Variants in RIMS3 observed in about 807,000 individuals in gnomAD.
RIMS3 encodes regulating synaptic membrane exocytosis protein 3.
A neutral mutation model predicts 29.2 loss-of-function variants in RIMS3; 15 were observed. That is an observed-to-expected ratio of 0.51 (90% CI 0.34 to 0.79). The LOEUF (loss-of-function observed/expected upper bound fraction) is 0.79. RIMS3 is among the 30% of genes least tolerant of loss of function. The pLI is 0.01. For missense variants in RIMS3, 342 were observed against 421.4 expected (o/e 0.81, Z 1.65); for synonymous variants, 161 against 170.1 (o/e 0.95, Z 0.41).
At chr1:40,659,713 T>C (rs2148361052) in intron 1 of RIMS3, among the ~76,000 whole-genome samples, 1 of 152,330 alleles carries the variant, frequency 6.6e-6, no homozygotes, top group South Asian at 2.1e-4. Flanking sequence ...TAGGCTTCCC[T>C]GCGGAAATGA....
intron 1 of RIMS3, among the ~76,000 whole-genome samples, chr1:40,656,981 C>T (rs990571238): frequency 5.9e-5 from 9 of 152,202 alleles, no homozygotes; most frequent in Non-Finnish European, 1.3e-4. Flanking sequence ...TGCAGGAGTT[C>T]GGGCACAGTG....
chr1:40,628,962 A>T lies in RIMS3; in HGVS notation c.575-13T>A, dbSNP rs1646471259. 6.2e-7 allele frequency: 1 copy of T among 1,612,640 alleles called. No homozygotes were observed. Among genetic ancestry groups the T allele is most frequent in the Non-Finnish European group, 8.5e-7 (1 of 1,180,006 alleles). On this transcript the variant is annotated splice_polypyrimidine_tract_variant and intron_variant, in intron 6 of 7. Transcript: ENST00000372684. ...TTGATATAGGTGGCTAAGGGAGGAG[A>T]GAATGTATGACAGGGAGGGGTCCAG...
chr1:40,679,116 G>T, the RIMS3 span, among the ~76,000 whole-genome samples: 28 of 152,166 alleles, frequency 1.8e-4, no homozygotes, highest in African/African-American at 6.3e-4. Flanking sequence ...GAGGTCACTG[G>T]GGCCTGCAGC....
chr1:40,674,602 C>T, the RIMS3 span, among the ~76,000 whole-genome samples: 6 of 152,160 alleles, frequency 3.9e-5, no homozygotes, highest in Admixed American at 3.9e-4. Flanking sequence ...GTCATGGGGA[C>T]TCTGCCATCA....
intron 1 of RIMS3, 86 bp from the exon 2 acceptor site, chr1:40,647,928 T>TA (rs763616746): frequency 1.3e-5 from 2 of 152,230 alleles, no homozygotes; most frequent in South Asian, 2.1e-4. Flanking sequence ...CATAAAAAGA[T>TA]AGACTTTGAA....
chr1:40,635,802 A>T lies in RIMS3; in HGVS notation c.359+114T>A. ...ATGAAGGAAGGCAGAGACACAGAGG[A>T]CCCAGACATTTTAGCTGGAAACAAA... is the stretch of plus-strand genomic sequence containing the variant. On this transcript the variant is annotated intron_variant, in intron 4 of 7. Transcript: ENST00000372684. The surrounding 1 kb of genome is among the most constrained non-coding windows in gnomAD (Gnocchi z 4.1). The T allele has an allele frequency of 7.3e-7, 1 of 1,374,012 alleles. No individual in the cohort carries two copies. The highest frequency in any genetic ancestry group is 1.0e-6 in the Non-Finnish European group (1 of 994,006). The allele number at this position is 1,374,012 out of a possible 1,614,324, so 85.1% of individuals were successfully genotyped here. A position where few individuals can be genotyped will look rare whatever the true frequency, so the allele number is the denominator to read the frequency against.
At chr1:40,647,995 G>A (rs182158952) in intron 1 of RIMS3, among the ~76,000 whole-genome samples, 153 bp from the exon 2 acceptor site, 1 of 152,252 alleles carries the variant, frequency 6.6e-6, no homozygotes, top group African/African-American at 2.4e-5. Flanking sequence ...ATTTCCTCTT[G>A]TAAAATTTTT....
intron 1 of RIMS3, among the ~76,000 whole-genome samples, chr1:40,650,835 C>T (rs1646627241): frequency 7.6e-6 from 1 of 131,056 alleles, no homozygotes; most frequent in Non-Finnish European, 1.5e-5. Flanking sequence ...CACTGCACTC[C>T]AGCCTGGATG....
chr1:40,664,605 A>G (rs868861216), intron 1 of RIMS3, among the ~76,000 whole-genome samples: 76 of 152,244 alleles, frequency 5.0e-4, no homozygotes, highest in African/African-American at 1.8e-3. Context: ...AGTGCCAGCC[A>G]ATGCCCCCTG....
At chr1:40,642,628 AAT>A (rs1646566007) in intron 2 of RIMS3, among the ~76,000 whole-genome samples, 1 of 152,144 alleles carries the variant, frequency 6.6e-6, no homozygotes, top group Non-Finnish European at 1.5e-5. Flanking sequence ...TCATACTGCA[AAT>A]ATCATTTTAT....
rs563449224 is a variant in RIMS3, at chr1:40,638,827, T to A, written c.218-2770A>T. ...GGAAACTGGGAGAGAGCATTTTAGC[T>A]CCATTTTACAGAAGAGGAAACTGAG... On this transcript the variant is annotated intron_variant, in intron 3 of 7. Coordinates refer to ENST00000372684, the MANE Select transcript of RIMS3 (RefSeq NM_014747.3). Among the ~76,000 whole-genome samples, 11 of 152,214 alleles carry A rather than the reference T, an allele frequency of 7.2e-5. No individual in the cohort carries two copies. The South Asian group carries it at 2.3e-3, about 32-fold the overall frequency.
In RIMS3 at chr1:40,641,894, G is replaced by C. The variant is rs746946998; in HGVS notation, c.32C>G (p.Ser11Cys). The change falls in exon 3 of 8, where the codon TCT becomes TGT. Residue 11 changes from serine to cysteine, a missense_variant. Physicochemically the swap from Ser to Cys is moderately radical, Grantham distance 112 (BLOSUM62 -1). Coordinates refer to ENST00000372684, the MANE Select transcript of RIMS3 (RefSeq NM_014747.3). MFNGEPGPAS[S>C]GASRNVVRSS... ...CCGCACCACATTCCTGGAGGCCCCA[G>C]ATGAGGCAGGACCTGGCTCCCCGTT... 2.5e-5 allele frequency: 41 copies of C among 1,613,728 alleles called. 1 individual carries two copies. In the Middle Eastern group the frequency reaches 5.8e-3, roughly 229 times the overall value.
intron 2 of RIMS3, among the ~76,000 whole-genome samples, chr1:40,642,974 TATATC>T (rs1557674905): frequency 6.6e-6 from 1 of 151,556 alleles, no homozygotes; most frequent in African/African-American, 2.4e-5. Context: ...AAAAAAATAT[TATATC>T]ATAAGCATTT....
chr1:40,631,338 T>A (rs1646488070), intron 5 of RIMS3, among the ~76,000 whole-genome samples: 2 of 152,068 alleles, frequency 1.3e-5, no homozygotes, highest in African/African-American at 4.8e-5. Flanking sequence ...TCCCTCAGTA[T>A]CCATGGGGGA....
chr1:40,663,826 G>A (rs1642386999), intron 1 of RIMS3, among the ~76,000 whole-genome samples: 1 of 152,212 alleles, frequency 6.6e-6, no homozygotes, highest in African/African-American at 2.4e-5. Context: ...CGCCCAGCAA[G>A]TACTTGGCAC....
intron 1 of RIMS3, among the ~76,000 whole-genome samples, chr1:40,659,533 G>A (rs954510406): frequency 1.3e-5 from 2 of 152,176 alleles, no homozygotes; most frequent in Non-Finnish European, 2.9e-5. Context: ...TCATCTAACA[G>A]CTCACTGTGT....
At chr1:40,682,739 A>ATTTTTTTTTTTT in the RIMS3 span, among the ~76,000 whole-genome samples, 18 of 46,464 alleles carry the variant, frequency 3.9e-4, no homozygotes, top group Non-Finnish European at 5.3e-4. Context: ...CCCTTTGCAG[A>ATTTTTTTTTTTT]TCTTTTTTTT....
chr1:40,679,726 C>A, the RIMS3 span, among the ~76,000 whole-genome samples: 1 of 152,074 alleles, frequency 6.6e-6, no homozygotes, highest in African/African-American at 2.4e-5. Flanking sequence ...CCAGTCCAAT[C>A]AGAATGAATC....
Position 40,621,497 on chromosome 1 carries a change from A to G in RIMS3, c.*5020T>C, listed in dbSNP as rs76796863. ...CACCCAGCCTGGGCATCAGGGGCTG[A>G]AGGAAACCAGCCCACGGAGACAGGA... On this transcript the variant is annotated 3_prime_UTR_variant, in exon 8 of 8. Transcript: ENST00000372684. The G allele has an allele frequency of 0.15, 22,795 of 152,180 alleles. 1,809 individuals are homozygous for G. The highest frequency in any genetic ancestry group is 0.19 in the African/African-American group (7,978 of 41,488). The allele number at this position is 152,180 out of a possible 1,614,324, so 9.4% of individuals were successfully genotyped here. A position where few individuals can be genotyped will look rare whatever the true frequency, so the allele number is the denominator to read the frequency against.
Sources: allele counts gnomAD v4.1 joint callset (sites outside exome capture counted in the v4.1 genomes callset), GRCh38; gene constraint gnomAD v4.1.1; non-coding constraint Gnocchi (gnomAD v3.1); transcripts MANE v1.5; gene names NCBI Gene and HGNC (gene_info 2026-07-23, HGNC 2026-07-21).